Variants in THOC2 observed in about 807,000 individuals in gnomAD.
THOC2 encodes the protein THO complex 2.
Under a neutral mutation model 128.4 loss-of-function variants are expected in THOC2, and 10 were observed. The ratio of observed to expected loss-of-function variants is 0.08; its 90% confidence interval spans 0.05 to 0.13. The LOEUF (loss-of-function observed/expected upper bound fraction) is 0.13. THOC2 is among the 10% of genes least tolerant of loss of function. The probability of loss-of-function intolerance (pLI) is 1.00; values close to 1 mark genes in which losing one functional copy is unlikely to be tolerated. For missense variants in THOC2, 535 were observed against 1,155.7 expected (o/e 0.46, Z 7.79); for synonymous variants, 393 against 396.9 (o/e 0.99, Z 0.12).
At chrX:123,686,781 T>C in intron 7 of THOC2, 67 bp from the exon 8 acceptor site, 3 of 890,268 alleles carry the variant, frequency 3.4e-6, no homozygotes, top group Non-Finnish European at 3.0e-6. Flanking sequence ...AGCCATTAAT[T>C]TTCAGGAATA....
chrX:123,655,292 T>C (rs144328793), intron 12 of THOC2, among the ~76,000 whole-genome samples: 130 of 111,813 alleles, frequency 1.2e-3, no homozygotes, highest in African/African-American at 3.9e-3. Flanking sequence ...AGACAGATTT[T>C]CAATTTTGAA....
intron 22 of THOC2, among the ~76,000 whole-genome samples, chrX:123,629,325 A>G: frequency 9.2e-6 from 1 of 108,964 alleles, no homozygotes; most frequent in Non-Finnish European, 1.9e-5. Flanking sequence ...GCTCTCATCC[A>G]GAAAATTTTG....
intron 2 of THOC2, among the ~76,000 whole-genome samples, chrX:123,708,338 G>A (rs1270416068): frequency 3.6e-5 from 4 of 111,118 alleles, no homozygotes; most frequent in African/African-American, 9.8e-5. Flanking sequence ...CTATATCTAC[G>A]TTGTGCTTTT....
chrX:123,626,438 T>C, intron 24 of THOC2, 83 bp downstream of exon 24: 1 of 974,671 alleles, frequency 1.0e-6, no homozygotes, highest in East Asian at 3.3e-5. Context: ...ACAAACATAA[T>C]ACACTTTAAC....
intron 1 of THOC2, among the ~76,000 whole-genome samples, chrX:123,726,999 T>G (rs2052021565): frequency 9.0e-6 from 1 of 110,827 alleles, no homozygotes; most frequent in Admixed American, 9.6e-5. Flanking sequence ...CAGGAGTTTA[T>G]GACCAGCCTG....
At position 123,623,778 on chromosome X, in the gene THOC2, T is replaced by C; in HGVS notation, c.3503+9A>G. ...TCTTGTAAATCACATTAAAATATAA[T>C]TTTGTTACCCCATAGCCAATGCATA... On this transcript the variant is annotated intron_variant, in intron 28 of 38. Coordinates refer to ENST00000245838, the MANE Select transcript of THOC2 (RefSeq NM_001081550.2). 1.7e-6 allele frequency: 2 copies of C among 1,205,665 alleles called. No individual in the cohort carries two copies. The highest frequency in any genetic ancestry group is 2.2e-6 in the Non-Finnish European group (2 of 891,635).
intron 24 of THOC2, 29 bp from the exon 25 acceptor site, chrX:123,626,098 G>A (rs750284200): frequency 9.1e-7 from 1 of 1,096,400 alleles, no homozygotes; most frequent in Non-Finnish European, 1.2e-6. Context: ...TATATTAAGT[G>A]GTAAACTTCT....
chrX:123,638,727 TACACACAC>T (rs753366301), intron 17 of THOC2, among the ~76,000 whole-genome samples, 199 bp downstream of exon 17: 4 of 81,410 alleles, frequency 4.9e-5, no homozygotes, highest in Non-Finnish European at 7.5e-5. Flanking sequence ...GACACACACG[TACACACAC>T]ACACACACAC....
chrX:123,607,553 C>T (rs1042127275), intron 38 of THOC2, among the ~76,000 whole-genome samples: 1 of 109,281 alleles, frequency 9.2e-6, no homozygotes, highest in African/African-American at 3.3e-5. Context: ...ATCCTCTTGC[C>T]TCAGCCTCCT....
chrX:123,616,696 T>C (rs749410160), intron 33 of THOC2, among the ~76,000 whole-genome samples: 1 of 108,718 alleles, frequency 9.2e-6, no homozygotes, highest in East Asian at 2.8e-4. Flanking sequence ...TAACACTATC[T>C]TCATCAAAAG....
intron 38 of THOC2, chrX:123,603,099 T>C (rs1281455776): frequency 9.1e-6 from 1 of 110,189 alleles, no homozygotes; most frequent in African/African-American, 3.3e-5. Flanking sequence ...AAGTCAATGT[T>C]CCAATTAAGA....
intron 8 of THOC2, among the ~76,000 whole-genome samples, chrX:123,680,177 G>A (rs1350127681): frequency 9.0e-6 from 1 of 110,788 alleles, no homozygotes; most frequent in East Asian, 2.8e-4. Flanking sequence ...TCCTCCCTGG[G>A]CAATGGAATG....
chrX:123,641,272 C>T (rs1457222600), intron 15 of THOC2, among the ~76,000 whole-genome samples: 1 of 111,775 alleles, frequency 8.9e-6, no homozygotes, highest in East Asian at 2.8e-4. Context: ...TCTTAAATGC[C>T]TCTCCTGAGA....
intron 6 of THOC2, 83 bp from the exon 7 acceptor site, chrX:123,696,237 T>C: frequency 6.2e-6 from 4 of 644,488 alleles, no homozygotes; most frequent in Non-Finnish European, 9.3e-6. Context: ...CTCACTGAAT[T>C]TTCTTATCTC....
intron 7 of THOC2, among the ~76,000 whole-genome samples, chrX:123,689,297 CCTTTGCAT>C (rs2050128224): frequency 8.9e-6 from 1 of 112,134 alleles, no homozygotes; most frequent in Admixed American, 9.5e-5. Context: ...ACAGGTATCA[CCTTTGCAT>C]CTTTCATTAA....
chrX:123,631,739 G>A lies in THOC2; in HGVS notation c.2430C>T (p.Pro810=), dbSNP rs3184940. 5.0e-6 allele frequency: 6 copies of A among 1,210,076 alleles called. No homozygotes were observed. The highest frequency in any genetic ancestry group is 2.2e-6 in the Non-Finnish European group (2 of 894,178). ...IDVLCNEFHT[P]HDAAFFLSRP... ...TAGACAGGAAAAATGCTGCATCATG[G>A]GGTGTATGAAATTCATTACAGAGTA... is the stretch of plus-strand genomic sequence containing the variant. The change falls in exon 22 of 39, where the codon CCC becomes CCT. Residue 810 remains proline (P), a synonymous_variant. Transcript: ENST00000245838.
intron 1 of THOC2, among the ~76,000 whole-genome samples, chrX:123,725,251 C>A (rs1235229752): frequency 5.4e-5 from 6 of 110,539 alleles, no homozygotes; most frequent in African/African-American, 2.0e-4. Context: ...ACTAGACAGG[C>A]CTTCTAATGG....
chrX:123,626,147 T>A, intron 24 of THOC2, 78 bp from the exon 25 acceptor site: 1 of 688,837 alleles, frequency 1.5e-6, no homozygotes, highest in Non-Finnish European at 2.2e-6. Flanking sequence ...TGACAACATA[T>A]TACCTTTAGT....
chrX:123,603,810 T>C, intron 38 of THOC2: 2 of 255,964 alleles, frequency 7.8e-6, no homozygotes, highest in Non-Finnish European at 1.4e-5. Context: ...TGTCAGTCTC[T>C]TGGCAGTGTC....
Sources: allele counts gnomAD v4.1 joint callset (sites outside exome capture counted in the v4.1 genomes callset), GRCh38; gene constraint gnomAD v4.1.1; transcripts MANE v1.5; gene names NCBI Gene and HGNC (gene_info 2026-07-23, HGNC 2026-07-21).